Variants in SHOC1 observed in about 807,000 individuals in gnomAD.
SHOC1 encodes the protein protein shortage in chiasmata 1 ortholog.
SHOC1 carries 136 observed loss-of-function variants against 179.2 expected under a neutral mutation model. The observed-to-expected ratio is 0.76, with a 90% CI of 0.66 to 0.87. SHOC1 has a LOEUF of 0.87. Among genes scored for constraint, SHOC1 ranks in the 40% least tolerant of loss-of-function variants. SHOC1 has a pLI of 0.00. For missense variants in SHOC1, 1,538 were observed against 1,700.8 expected (o/e 0.90, Z 1.68); for synonymous variants, 489 against 586.6 (o/e 0.83, Z 2.41).
chr9:111,782,918 TA>T (rs148943588), intron 3 of SHOC1, among the ~76,000 whole-genome samples: 245 of 152,304 alleles, frequency 1.6e-3, no homozygotes, highest in Middle Eastern at 3.4e-3. Context: ...CTTACTGGCA[TA>T]AGTACCTGCA....
chr9:111,734,641 G>T (rs999093886), intron 12 of SHOC1, among the ~76,000 whole-genome samples: 2 of 152,178 alleles, frequency 1.3e-5, no homozygotes, highest in African/African-American at 4.8e-5. Flanking sequence ...CCTGGAATTT[G>T]TGTTACCACT....
intron 18 of SHOC1, among the ~76,000 whole-genome samples, chr9:111,710,831 G>A (rs1832510572): frequency 6.6e-6 from 1 of 152,100 alleles, no homozygotes; most frequent in South Asian, 2.1e-4. Flanking sequence ...GGAACAAGAG[G>A]TATAAAGGCA....
chr9:111,788,228 A>C (rs1283908289), intron 2 of SHOC1, among the ~76,000 whole-genome samples: 2 of 78,344 alleles, frequency 2.6e-5, no homozygotes, highest in Non-Finnish European at 5.1e-5. Context: ...AAACAAAAAA[A>C]TGAGAATAAA....
At chr9:111,777,409 A>T (rs898639700) in intron 4 of SHOC1, among the ~76,000 whole-genome samples, 3 of 151,644 alleles carry the variant, frequency 2.0e-5, no homozygotes, top group African/African-American at 7.3e-5. Flanking sequence ...CATACACTAA[A>T]TTCCTTCCCA....
chr9:111,756,492 G>C lies in SHOC1; in HGVS notation c.709-14C>G. 1 of 1,576,344 alleles carries C rather than the reference G, an allele frequency of 6.3e-7. No individual in the cohort carries two copies. Among genetic ancestry groups the C allele is most frequent in the Non-Finnish European group, 8.6e-7 (1 of 1,168,668 alleles). ...AAAACTTGACGGCTGAAAAAACATA[G>C]TTTAAAAAAGTTTTTAGAGAGGCTT... On this transcript the variant is annotated splice_polypyrimidine_tract_variant and intron_variant, in intron 7 of 27. Transcript: ENST00000682961.
intron 18 of SHOC1, among the ~76,000 whole-genome samples, chr9:111,712,462 AG>A (rs1379157466): frequency 6.6e-6 from 1 of 152,216 alleles, no homozygotes; most frequent in African/African-American, 2.4e-5. Flanking sequence ...ATATATGTAG[AG>A]AAAATTATCA....
chr9:111,782,440 T>C (rs1458534737), intron 3 of SHOC1, among the ~76,000 whole-genome samples: 1 of 152,196 alleles, frequency 6.6e-6, no homozygotes, highest in African/African-American at 2.4e-5. Context: ...TAGAACACTT[T>C]AGGTTCCATA....
At chr9:111,748,267 T>C in intron 8 of SHOC1, 68 bp from the exon 9 acceptor site, 2 of 1,095,770 alleles carry the variant, frequency 1.8e-6, no homozygotes, top group South Asian at 1.4e-5. Context: ...CCTTGTTCAG[T>C]GGCATTTTCC....
intron 8 of SHOC1, among the ~76,000 whole-genome samples, chr9:111,750,886 G>A (rs1451459050): frequency 1.3e-5 from 2 of 152,100 alleles, no homozygotes; most frequent in Admixed American, 1.3e-4. Flanking sequence ...TATTGCAATT[G>A]CTTTTGGCGT....
chr9:111,703,358 G>T (rs1173134634), intron 22 of SHOC1, among the ~76,000 whole-genome samples: 7 of 151,896 alleles, frequency 4.6e-5, no homozygotes, highest in Non-Finnish European at 1.0e-4. Context: ...CTTTTCAGTT[G>T]GTTCTCCGAT....
chr9:111,699,524 G>A (rs903141405), intron 24 of SHOC1, among the ~76,000 whole-genome samples: 2 of 152,126 alleles, frequency 1.3e-5, no homozygotes, highest in African/African-American at 4.8e-5. Context: ...CCTGAACTTG[G>A]ACAAATGTCT....
chr9:111,759,292 G>A, intron 5 of SHOC1: 21 of 1,611,670 alleles, frequency 1.3e-5, no homozygotes, highest in Non-Finnish European at 1.8e-5. Flanking sequence ...CTGACATGTA[G>A]GGAATGGAGA....
chr9:111,697,511 G>A (rs12342944), intron 24 of SHOC1, among the ~76,000 whole-genome samples: 8,344 of 152,178 alleles, frequency 0.055, 561 homozygotes, highest in African/African-American at 0.16. Flanking sequence ...TCCCTGCAAA[G>A]GACATGGACT....
chr9:111,769,980 T>TTTG (rs1835516291), intron 5 of SHOC1, among the ~76,000 whole-genome samples: 1 of 41,782 alleles, frequency 2.4e-5, no homozygotes, highest in Non-Finnish European at 5.3e-5. Flanking sequence ...CTTCTGTTTT[T>TTTG]TTTTTGTTTT....
intron 16 of SHOC1, among the ~76,000 whole-genome samples, chr9:111,717,072 A>C (rs1457224850): frequency 6.6e-6 from 1 of 152,244 alleles, no homozygotes; most frequent in Admixed American, 6.5e-5. Context: ...AGAATTTCAG[A>C]ATCTAGAATA....
intron 4 of SHOC1, among the ~76,000 whole-genome samples, chr9:111,776,490 G>A (rs1337120967): frequency 6.6e-6 from 1 of 152,144 alleles, no homozygotes; most frequent in Non-Finnish European, 1.5e-5. Flanking sequence ...CTGCCCTTGT[G>A]CTAGATATTC....
intron 10 of SHOC1, among the ~76,000 whole-genome samples, chr9:111,745,930 C>G (rs1348191545): frequency 2.6e-5 from 4 of 152,138 alleles, no homozygotes; most frequent in Admixed American, 6.5e-5. Flanking sequence ...ATTAAAAATA[C>G]TGAAATGTAT....
rs202117334 is a variant in SHOC1 at position 111,794,278 on chromosome 9, TA to T, written c.-37+621del. ...TCACTCCCTCGCATAAAAACCCACT[TA>T]AAAAAAAAAAAATAATAAGATCCGC... On this transcript the variant is annotated intron_variant, in intron 1 of 27. Coordinates refer to ENST00000682961, the MANE Select transcript of SHOC1 (RefSeq NM_001378211.1). Among the ~76,000 whole-genome samples, 81 of 102,592 alleles carry T rather than the reference TA, an allele frequency of 7.9e-4. 2 individuals carry two copies. Among genetic ancestry groups the T allele is most frequent in the African/African-American group, 1.8e-3 (51 of 29,046 alleles). The allele number at this position is 102,592 out of a possible 152,430, so 67.3% of individuals were successfully genotyped here.
At chr9:111,689,926 G>T (rs375688929) in intron 27 of SHOC1, among the ~76,000 whole-genome samples, 135 of 152,192 alleles carry the variant, frequency 8.9e-4, no homozygotes, top group African/African-American at 3.0e-3. Flanking sequence ...ATATATTGGA[G>T]TGCCCTGTGT....
Sources: allele counts gnomAD v4.1 joint callset (sites outside exome capture counted in the v4.1 genomes callset), GRCh38; gene constraint gnomAD v4.1.1; transcripts MANE v1.5; gene names NCBI Gene and HGNC (gene_info 2026-07-23, HGNC 2026-07-21).